EIF2B3: variants seen among roughly 807,000 people sequenced by gnomAD.
EIF2B3 encodes the protein eukaryotic translation initiation factor 2B subunit gamma.
Under a neutral mutation model 54.1 loss-of-function variants are expected in EIF2B3, and 20 were observed. The observed-to-expected ratio is 0.37, with a 90% CI of 0.26 to 0.54. The LOEUF is 0.54. EIF2B3 is among the 20% of genes least tolerant of loss of function. The pLI is 0.86. For missense variants in EIF2B3, 448 were observed against 547.8 expected (o/e 0.82, Z 1.82); for synonymous variants, 153 against 188.1 (o/e 0.81, Z 1.52).
chr1:44,869,704 G>A (rs1481008053), intron 10 of EIF2B3, among the ~76,000 whole-genome samples: 2 of 143,022 alleles, frequency 1.4e-5, no homozygotes, highest in African/African-American at 2.6e-5. Flanking sequence ...GGGTTCAAGC[G>A]ATTCTTCTGC....
At chr1:44,865,687 A>G (rs746108681) in intron 10 of EIF2B3, among the ~76,000 whole-genome samples, 1 of 151,586 alleles carries the variant, frequency 6.6e-6, no homozygotes, top group Non-Finnish European at 1.5e-5. Context: ...GGTTCAAGTG[A>G]TTCTCCTGCC....
chr1:44,918,536 C>T (rs762072728), intron 5 of EIF2B3, among the ~76,000 whole-genome samples: 2 of 152,048 alleles, frequency 1.3e-5, no homozygotes, highest in Non-Finnish European at 2.9e-5. Context: ...ATTACCAGTG[C>T]ACACCACCAC....
Position 44,881,559 on chromosome 1 carries a change from T to C in EIF2B3, c.784+53A>G. The C allele has an allele frequency of 6.2e-7, 1 of 1,609,720 alleles. No homozygotes were observed. Among genetic ancestry groups the C allele is most frequent in the Non-Finnish European group, 8.5e-7 (1 of 1,177,606 alleles). On this transcript the variant is annotated intron_variant, in intron 7 of 11. Transcript: ENST00000360403. The surrounding 1 kb of genome is among the most constrained non-coding windows in gnomAD (Gnocchi z 4.0). ...TGGGCTAAGCTGCCCAACCACTCTT[T>C]CCAAAGGTGCTGCTACCCTTGCCCC...
chr1:44,958,895 G>C, intron 3 of EIF2B3: 1 of 823,136 alleles, frequency 1.2e-6, no homozygotes, highest in Admixed American at 1.8e-5. Flanking sequence ...ATTTCATCAA[G>C]GCTGAGGGCC....
intron 4 of EIF2B3, among the ~76,000 whole-genome samples, chr1:44,937,710 C>T (rs543485133): frequency 2.0e-4 from 30 of 151,502 alleles, no homozygotes; most frequent in Non-Finnish European, 4.3e-4. Flanking sequence ...AGTGAAACCC[C>T]GTCTCTACTA....
chr1:44,981,303 T>G, intron 1 of EIF2B3, 126 bp from the exon 2 acceptor site: 1 of 959,202 alleles, frequency 1.0e-6, no homozygotes. Flanking sequence ...AATTCCTAAC[T>G]CTAGCAATCA....
At chr1:44,960,043 T>G (rs530159093) in intron 3 of EIF2B3, among the ~76,000 whole-genome samples, 1 of 152,240 alleles carries the variant, frequency 6.6e-6, no homozygotes, top group East Asian at 1.9e-4. Flanking sequence ...TTTGGGTATG[T>G]GTATTTATTT....
intron 8 of EIF2B3, among the ~76,000 whole-genome samples, chr1:44,879,382 A>AG (rs1327521963): frequency 6.6e-6 from 1 of 152,222 alleles, no homozygotes. Flanking sequence ...TCCTTTCCTG[A>AG]GGCTTTGCCA....
At chr1:44,964,701 T>C (rs970436018) in intron 3 of EIF2B3, among the ~76,000 whole-genome samples, 1 of 152,196 alleles carries the variant, frequency 6.6e-6, no homozygotes, top group Non-Finnish European at 1.5e-5. Context: ...ATCCCTACTT[T>C]CTTGGTTGTG....
intron 3 of EIF2B3, among the ~76,000 whole-genome samples, chr1:44,960,200 A>G (rs1644269248): frequency 6.6e-6 from 1 of 152,202 alleles, no homozygotes; most frequent in South Asian, 2.1e-4. Context: ...TTTAAAGTTG[A>G]CTTTTTTGAC....
At chr1:44,969,490 G>T (rs1314356800) in intron 3 of EIF2B3, among the ~76,000 whole-genome samples, 1 of 152,010 alleles carries the variant, frequency 6.6e-6, no homozygotes, top group Non-Finnish European at 1.5e-5. Flanking sequence ...TGATACCAAA[G>T]AATTATTATT....
chr1:44,914,111 G>A (rs898664693), intron 5 of EIF2B3, among the ~76,000 whole-genome samples: 12 of 150,026 alleles, frequency 8.0e-5, no homozygotes, highest in Non-Finnish European at 1.8e-4. Context: ...TTAGTGGTGT[G>A]AGCCACCGCA....
chr1:44,872,317 G>C (rs928980797), intron 10 of EIF2B3, among the ~76,000 whole-genome samples: 6 of 152,080 alleles, frequency 3.9e-5, no homozygotes, highest in African/African-American at 1.2e-4. Context: ...ATGGATATGA[G>C]CCAATGTGGC....
At chr1:44,942,403 ATATATATATATATATTTTTTTTTTT>A (rs1644038639) in intron 3 of EIF2B3, among the ~76,000 whole-genome samples, 1 of 15,990 alleles carries the variant, frequency 6.3e-5, no homozygotes, top group South Asian at 2.3e-3. Context: ...ATATATATAT[ATATATATATATATATTTTTTTTTTT>A]TTTTTTTTTT....
chr1:44,939,304 A>G (rs1042111246), intron 4 of EIF2B3, among the ~76,000 whole-genome samples: 18 of 152,170 alleles, frequency 1.2e-4, no homozygotes, highest in Admixed American at 2.6e-4. Context: ...CACTCCAGCT[A>G]TAGAAAGTTA....
chr1:44,899,543 C>G (rs1430176178), intron 5 of EIF2B3, among the ~76,000 whole-genome samples: 2 of 152,152 alleles, frequency 1.3e-5, no homozygotes, highest in African/African-American at 4.8e-5. Flanking sequence ...CAAAAGAAGA[C>G]ATACAGGCAG....
chr1:44,874,285 C>G lies in EIF2B3; in HGVS notation c.1202+393G>C, dbSNP rs547904438. The stretch of plus-strand genomic sequence containing the variant: ...TCGACTTTCAAATGTTTGTATGTAT[C>G]TGGTATTTTATCAGTTGCATCTTGC... On this transcript the variant is annotated intron_variant, in intron 10 of 11. Coordinates refer to ENST00000360403, the MANE Select transcript of EIF2B3 (RefSeq NM_020365.5). Among the ~76,000 whole-genome samples the G allele has an allele frequency of 1.8e-4, 27 of 152,242 alleles. 1 individual carries two copies. The highest frequency in any genetic ancestry group is 1.5e-3 in the South Asian group (7 of 4,822).
At chr1:44,978,601 C>A in intron 2 of EIF2B3, 141 bp from the exon 3 acceptor site, 1 of 650,152 alleles carries the variant, frequency 1.5e-6, no homozygotes, top group South Asian at 2.2e-5. Flanking sequence ...TATATTTTAC[C>A]TGCATTCCCC....
chr1:44,919,015 T>G (rs1643683317), intron 5 of EIF2B3, among the ~76,000 whole-genome samples: 1 of 152,126 alleles, frequency 6.6e-6, no homozygotes, highest in Non-Finnish European at 1.5e-5. Context: ...ATAATTTGGG[T>G]TAGACTGTAT....
Sources: allele counts gnomAD v4.1 joint callset (sites outside exome capture counted in the v4.1 genomes callset), GRCh38; gene constraint gnomAD v4.1.1; non-coding constraint Gnocchi (gnomAD v3.1); transcripts MANE v1.5; gene names NCBI Gene and HGNC (gene_info 2026-07-23, HGNC 2026-07-21).